RILPL1: variants seen among roughly 807,000 people sequenced by gnomAD.
RILPL1 encodes RILP-like protein 1.
RILPL1 carries 33 observed loss-of-function variants against 50.3 expected under a neutral mutation model. The observed-to-expected ratio is 0.66, with a 90% CI of 0.50 to 0.88. RILPL1 has a LOEUF of 0.88. Among genes scored for constraint, RILPL1 ranks in the 40% least tolerant of loss-of-function variants. The pLI is 0.00. For missense variants in RILPL1, 418 were observed against 542.5 expected, an observed-to-expected ratio of 0.77 and a Z score of 2.28; for synonymous variants, 205 against 228.6, an observed-to-expected ratio of 0.90 and a Z score of 0.93.
chr12:123,472,764 TAGC>T, intron 6 of RILPL1, 82 bp from the exon 7 acceptor site: 1 of 1,461,012 alleles, frequency 6.8e-7, no homozygotes, highest in Non-Finnish European at 9.3e-7. Context: ...CGGAGACATA[TAGC>T]AGCAAACTTA....
At chr12:123,529,991 T>G (rs1347395204) in intron 1 of RILPL1, among the ~76,000 whole-genome samples, 9 of 152,016 alleles carry the variant, frequency 5.9e-5, no homozygotes, top group Admixed American at 5.9e-4. Context: ...ATGTGGCTGG[T>G]CTGAGTGGAA....
At chr12:123,513,095 T>C (rs1884469001) in intron 2 of RILPL1, among the ~76,000 whole-genome samples, 1 of 148,548 alleles carries the variant, frequency 6.7e-6, no homozygotes. Flanking sequence ...TGAGTGCGTG[T>C]ATGTCTGTGT....
chr12:123,519,891 C>T, intron 2 of RILPL1: 1 of 152,484 alleles, frequency 6.6e-6, no homozygotes, highest in Non-Finnish European at 1.5e-5. Flanking sequence ...TCATGACAAG[C>T]CCAGCAGGGA....
At chr12:123,525,526 CCT>C (rs1422460179) in intron 1 of RILPL1, among the ~76,000 whole-genome samples, 2 of 150,596 alleles carry the variant, frequency 1.3e-5, no homozygotes, top group Non-Finnish European at 3.0e-5. Flanking sequence ...ATGGTGAAAC[CCT>C]GTCTCTACTA....
At chr12:123,529,184 T>A (rs1470796792) in intron 1 of RILPL1, among the ~76,000 whole-genome samples, 1 of 152,200 alleles carries the variant, frequency 6.6e-6, no homozygotes, top group Non-Finnish European at 1.5e-5. Flanking sequence ...TCAGCTCAGA[T>A]GTCACCTCCT....
chr12:123,513,457 G>A, intron 2 of RILPL1: 2 of 261,516 alleles, frequency 7.6e-6, no homozygotes, highest in South Asian at 2.9e-5. Flanking sequence ...AAGCCCAGCA[G>A]CCTCATCACC....
At chr12:123,492,226 G>GA (rs67147846) in intron 4 of RILPL1, among the ~76,000 whole-genome samples, 10,524 of 134,258 alleles carry the variant, frequency 0.078, 373 homozygotes, top group Non-Finnish European at 0.086. Flanking sequence ...AAAAAAAGAA[G>GA]AAAAAAAAAT....
At chr12:123,512,549 G>A (rs377247102) in intron 2 of RILPL1, among the ~76,000 whole-genome samples, 190 of 137,684 alleles carry the variant, frequency 1.4e-3, no homozygotes, top group African/African-American at 4.0e-3. Context: ...TCTGTGTGTG[G>A]TGTGTGTGTG....
chr12:123,503,522 C>T (rs371217091), intron 2 of RILPL1, among the ~76,000 whole-genome samples: 2 of 151,916 alleles, frequency 1.3e-5, no homozygotes, highest in East Asian at 3.9e-4. Flanking sequence ...TTCGTTCCTT[C>T]CCTCTTCCAG....
chr12:123,500,278 C>CT (rs61119415), intron 2 of RILPL1, among the ~76,000 whole-genome samples: 1,029 of 88,202 alleles, frequency 0.012, 10 homozygotes, highest in Admixed American at 0.013. Context: ...GTGTCCCTTT[C>CT]TTTTTTTTTT....
intron 6 of RILPL1, among the ~76,000 whole-genome samples, chr12:123,478,364 C>T (rs2139308440): frequency 6.6e-6 from 1 of 152,074 alleles, no homozygotes; most frequent in East Asian, 1.9e-4. Flanking sequence ...CAGGGGCTGC[C>T]CTGCGGAAGC....
chr12:123,514,802 ATAC>A (rs1226896411), intron 2 of RILPL1, among the ~76,000 whole-genome samples: 11 of 152,188 alleles, frequency 7.2e-5, no homozygotes, highest in South Asian at 2.1e-4. Context: ...ATTAAATGAT[ATAC>A]TACATGCTAC....
intron 6 of RILPL1, among the ~76,000 whole-genome samples, chr12:123,478,477 G>A (rs538661259): frequency 2.7e-4 from 41 of 150,744 alleles, no homozygotes; most frequent in Admixed American, 2.4e-3. Flanking sequence ...CCCGCTCCCC[G>A]CCAAATATTT....
chr12:123,473,856 C>A (rs1163786024), intron 6 of RILPL1: 1 of 150,302 alleles, frequency 6.7e-6, no homozygotes, highest in East Asian at 2.0e-4. Context: ...AAAAAAAAGT[C>A]ACAAGCAAAA....
chr12:123,506,665 T>C (rs1883771760), intron 2 of RILPL1, among the ~76,000 whole-genome samples: 1 of 152,224 alleles, frequency 6.6e-6, no homozygotes, highest in South Asian at 2.1e-4. Context: ...TCACGGCTTA[T>C]GACTTCTGAA....
At chr12:123,481,647 C>G (rs1040683165) in intron 6 of RILPL1, among the ~76,000 whole-genome samples, 1 of 151,746 alleles carries the variant, frequency 6.6e-6, no homozygotes, top group Non-Finnish European at 1.5e-5. Flanking sequence ...ACCTCTGTCT[C>G]CCAGGTTCAA....
At chr12:123,507,925 G>C (rs1446370501) in intron 2 of RILPL1, among the ~76,000 whole-genome samples, 4 of 121,430 alleles carry the variant, frequency 3.3e-5, no homozygotes, top group Non-Finnish European at 4.9e-5. Context: ...TGGGCAAAGA[G>C]AGTGAAACTC....
chr12:123,498,518 A>G lies in RILPL1; in HGVS notation c.801+26T>C. 3 of 1,602,084 alleles carry G rather than the reference A, an allele frequency of 1.9e-6. No individual in the cohort carries two copies. Among genetic ancestry groups the G allele is most frequent in the Non-Finnish European group, 2.6e-6 (3 of 1,171,104 alleles). ...ACCCCCAGACTGACCCTCTGCTACC[A>G]CCTCTGCACCCAGCTTCCTGCTCAC... On this transcript the variant is annotated intron_variant, in intron 4 of 6. Transcript: ENST00000376874. This position sits in a 1 kb window ranked among gnomAD's most constrained non-coding sequence, Gnocchi z 4.3.
At chr12:123,517,256 A>G (rs1240527919) in intron 2 of RILPL1, among the ~76,000 whole-genome samples, 1 of 152,104 alleles carries the variant, frequency 6.6e-6, no homozygotes, top group Non-Finnish European at 1.5e-5. Flanking sequence ...TGGAGGGAGC[A>G]TGGCCTTGCT....
Sources: gnomAD v4.1 joint callset for allele counts (sites outside exome capture counted in the v4.1 genomes callset) on GRCh38, gnomAD v4.1.1 for gene constraint, Gnocchi (gnomAD v3.1) non-coding constraint, MANE v1.5 for transcripts, NCBI Gene and HGNC (gene_info 2026-07-23, HGNC 2026-07-21) for gene names.